Variants in ATXN8OS observed in about 807,000 individuals in gnomAD.
ATXN8OS encodes the protein ATXN8 opposite strand lncRNA, also known as ATXN8 opposite strand (non-protein coding).
At chr13:70,128,682 A>G (rs1014804991) in intron 2 of ATXN8OS, among the ~76,000 whole-genome samples, 3 of 152,114 alleles carry the variant, frequency 2.0e-5, no homozygotes, top group Admixed American at 6.6e-5. Context: ...TGTTTCCCAT[A>G]ATGCAAAATT....
At chr13:70,161,410 C>G (rs1346964036) in intron 4 of ATXN8OS, among the ~76,000 whole-genome samples, 2 of 152,034 alleles carry the variant, frequency 1.3e-5, no homozygotes, top group African/African-American at 2.4e-5. Context: ...TAGTAGATGT[C>G]AGGACTTGCT....
intron 4 of ATXN8OS, among the ~76,000 whole-genome samples, chr13:70,166,246 C>G (rs527722209): frequency 1.3e-5 from 2 of 152,026 alleles, no homozygotes; most frequent in Non-Finnish European, 2.9e-5. Flanking sequence ...GGAGGCATCA[C>G]GCTACCTGAC....
At chr13:70,147,275 T>TA (rs1888799012) in intron 3 of ATXN8OS, among the ~76,000 whole-genome samples, 1 of 152,230 alleles carries the variant, frequency 6.6e-6, no homozygotes, top group African/African-American at 2.4e-5. Flanking sequence ...TGTGAATTTA[T>TA]AAAACCTGCC....
intron 3 of ATXN8OS, among the ~76,000 whole-genome samples, chr13:70,143,066 T>TAA (rs567043436): frequency 1.2e-4 from 17 of 138,122 alleles, no homozygotes; most frequent in South Asian, 6.9e-4. Context: ...AAACTCCGTC[T>TAA]AAAAAAAAAA....
chr13:70,161,300 T>C (rs1889006673), intron 4 of ATXN8OS, among the ~76,000 whole-genome samples: 1 of 152,156 alleles, frequency 6.6e-6, no homozygotes, highest in Non-Finnish European at 1.5e-5. Context: ...CCTCATTTAC[T>C]GTGTTTCCAG....
intron 4 of ATXN8OS, among the ~76,000 whole-genome samples, chr13:70,160,161 G>A (rs1488743731): frequency 7.4e-6 from 1 of 134,848 alleles, no homozygotes; most frequent in East Asian, 2.2e-4. Context: ...TATCATTTTT[G>A]TTGACTTTTT....
At chr13:70,124,674 T>A (rs1888403315) in intron 2 of ATXN8OS, among the ~76,000 whole-genome samples, 1 of 152,072 alleles carries the variant, frequency 6.6e-6, no homozygotes, top group Admixed American at 6.6e-5. Flanking sequence ...TTTTTGTTTG[T>A]TTGGTTGTTG....
chr13:70,151,480 A>C, intron 4 of ATXN8OS, among the ~76,000 whole-genome samples: 1 of 152,092 alleles, frequency 6.6e-6, no homozygotes, highest in Admixed American at 6.6e-5. Flanking sequence ...TCCTTTGGAG[A>C]GAAAAATGAA....
chr13:70,124,252 C>T, intron 2 of ATXN8OS, among the ~76,000 whole-genome samples: 1 of 152,110 alleles, frequency 6.6e-6, no homozygotes, highest in Non-Finnish European at 1.5e-5. Context: ...TCACCTGCTT[C>T]ACACTTTTGT....
chr13:70,138,114 C>T (rs1471858225), intron 3 of ATXN8OS, among the ~76,000 whole-genome samples: 1 of 152,206 alleles, frequency 6.6e-6, no homozygotes, highest in Non-Finnish European at 1.5e-5. Context: ...TTGGGGCTTA[C>T]AATTCAACAT....
At chr13:70,162,101 T>A (rs557253665) in intron 4 of ATXN8OS, among the ~76,000 whole-genome samples, 2 of 151,834 alleles carry the variant, frequency 1.3e-5, no homozygotes, top group Non-Finnish European at 2.9e-5. Context: ...AAGGAAGAGA[T>A]GGAGGGTGCA....
chr13:70,146,239 G>A (rs1446492541), intron 3 of ATXN8OS, among the ~76,000 whole-genome samples: 2 of 147,750 alleles, frequency 1.4e-5, no homozygotes, highest in Admixed American at 1.4e-4. Flanking sequence ...AGTTAGAATG[G>A]CGATCATTAA....
intron 2 of ATXN8OS, among the ~76,000 whole-genome samples, chr13:70,129,496 C>T (rs547892386): frequency 6.6e-6 from 1 of 152,038 alleles, no homozygotes; most frequent in East Asian, 1.9e-4. Flanking sequence ...TCCCTCTATG[C>T]AGATATACTC....
intron 4 of ATXN8OS, among the ~76,000 whole-genome samples, chr13:70,167,715 T>C (rs1482389559): frequency 2.9e-5 from 4 of 139,868 alleles, no homozygotes; most frequent in Non-Finnish European, 3.0e-5. Context: ...TCACAACATA[T>C]GTAACTTCTT....
intron 4 of ATXN8OS, among the ~76,000 whole-genome samples, chr13:70,163,177 T>C (rs1889030981): frequency 6.6e-6 from 1 of 152,110 alleles, no homozygotes; most frequent in Non-Finnish European, 1.5e-5. Flanking sequence ...TTCTAAATAA[T>C]GTTAAGAGTT....
At chr13:70,139,944 G>T (rs1352376660) in intron 3 of ATXN8OS, among the ~76,000 whole-genome samples, 1 of 151,982 alleles carries the variant, frequency 6.6e-6, no homozygotes, top group African/African-American at 2.4e-5. Context: ...ACATATTATA[G>T]ATTATAATCT....
intron 4 of ATXN8OS, among the ~76,000 whole-genome samples, chr13:70,152,661 C>A (rs929217521): frequency 6.6e-6 from 1 of 151,858 alleles, no homozygotes; most frequent in African/African-American, 2.4e-5. Context: ...TTATGATAAA[C>A]AAGTGAGATT....
intron 1 of ATXN8OS, chr13:70,108,562 C>G: frequency 6.6e-6 from 1 of 152,488 alleles, no homozygotes; most frequent in Non-Finnish European, 1.5e-5. Context: ...AGGCTTCAAT[C>G]TTCTTTATGC....
At chr13:70,140,762 C>T (rs993455149) in intron 3 of ATXN8OS, among the ~76,000 whole-genome samples, 5 of 151,666 alleles carry the variant, frequency 3.3e-5, no homozygotes, top group African/African-American at 1.2e-4. Flanking sequence ...GATTTAATGC[C>T]CCCTAACCCT....
Sources: gnomAD v4.1 joint callset for allele counts (sites outside exome capture counted in the v4.1 genomes callset) on GRCh38, gnomAD v4.1.1 for gene constraint, MANE v1.5 for transcripts, NCBI Gene and HGNC (gene_info 2026-07-23, HGNC 2026-07-21) for gene names.